PPM1L: variants seen among roughly 807,000 people sequenced by gnomAD.
PPM1L encodes protein phosphatase, Mg2+/Mn2+ dependent 1L.
Under a neutral mutation model 31.4 loss-of-function variants are expected in PPM1L, and 13 were observed. That is an observed-to-expected ratio of 0.41 (90% CI 0.27 to 0.66). The LOEUF (loss-of-function observed/expected upper bound fraction) is 0.66. PPM1L is among the 30% of genes least tolerant of loss of function. PPM1L has a pLI of 0.29. For synonymous variants in PPM1L, 184 were observed against 175.4 expected (o/e 1.05, Z -0.39); for missense variants, 326 against 453.7 (o/e 0.72, Z 2.56).
At chr3:160,882,598 T>G (rs968097748) in intron 1 of PPM1L, among the ~76,000 whole-genome samples, 1 of 152,212 alleles carries the variant, frequency 6.6e-6, no homozygotes, top group Non-Finnish European at 1.5e-5. Context: ...CTTAATTACA[T>G]CTGCAAAGAC....
chr3:160,830,303 C>T (rs1166783321), intron 1 of PPM1L, among the ~76,000 whole-genome samples: 1 of 152,090 alleles, frequency 6.6e-6, no homozygotes, highest in South Asian at 2.1e-4. Context: ...GAAGGGTTGA[C>T]CCTGAGCTTT....
At chr3:160,966,904 T>C (rs1365015741) in intron 2 of PPM1L, among the ~76,000 whole-genome samples, 1 of 152,098 alleles carries the variant, frequency 6.6e-6, no homozygotes, top group Non-Finnish European at 1.5e-5. Context: ...TAATGTTTTT[T>C]ATATTCTGTA....
intron 2 of PPM1L, among the ~76,000 whole-genome samples, chr3:161,045,028 C>T (rs1179270533): frequency 2.0e-5 from 3 of 152,050 alleles, no homozygotes; most frequent in Admixed American, 6.5e-5. Context: ...ACAAAGAAGG[C>T]CATTACATAA....
At chr3:160,929,415 C>G (rs527702942) in intron 1 of PPM1L, among the ~76,000 whole-genome samples, 1 of 152,306 alleles carries the variant, frequency 6.6e-6, no homozygotes, top group African/African-American at 2.4e-5. Context: ...GTTAGAAACT[C>G]TGTCTTCCTT....
At chr3:160,903,887 G>A (rs1248220617) in intron 1 of PPM1L, among the ~76,000 whole-genome samples, 1 of 152,072 alleles carries the variant, frequency 6.6e-6, no homozygotes, top group Non-Finnish European at 1.5e-5. Flanking sequence ...TTATGCTTTT[G>A]TATTGTATTT....
rs1054125257 is a variant in PPM1L at position 160,880,171 on chromosome 3, A to G, written c.400-81565A>G. 2.0e-5 allele frequency among the ~76,000 whole-genome samples: 3 copies of G among 152,256 alleles called. No individual in the cohort carries two copies. In the East Asian group the frequency reaches 5.8e-4, roughly 29 times the overall value. On this transcript the variant is annotated intron_variant, in intron 1 of 3. Coordinates refer to ENST00000498165, the MANE Select transcript of PPM1L (RefSeq NM_139245.4). Reference sequence around the variant, plus strand: ...GCAGCAGTAGGAGGAGAGGAACAATATTCTTGTTTTGCTTTGACCATTTTT... The same window carrying G: ...GCAGCAGTAGGAGGAGAGGAACAATGTTCTTGTTTTGCTTTGACCATTTTT...
intron 1 of PPM1L, among the ~76,000 whole-genome samples, chr3:160,913,733 G>C (rs1714053418): frequency 6.6e-6 from 1 of 152,124 alleles, no homozygotes; most frequent in African/African-American, 2.4e-5. Context: ...TATGTCAGTA[G>C]TTCATTCCTT....
chr3:160,961,980 T>C, intron 2 of PPM1L, 70 bp downstream of exon 2: 1 of 1,301,440 alleles, frequency 7.7e-7, no homozygotes. Context: ...TTGATTAAAC[T>C]TGGTAAAAGG....
chr3:160,888,685 C>T (rs1187452365), intron 1 of PPM1L, among the ~76,000 whole-genome samples: 1 of 152,182 alleles, frequency 6.6e-6, no homozygotes, highest in Non-Finnish European at 1.5e-5. Context: ...ACCTAATAGA[C>T]ATCTACAGAA....
At chr3:161,017,474 T>C (rs1234840378) in intron 2 of PPM1L, among the ~76,000 whole-genome samples, 1 of 152,200 alleles carries the variant, frequency 6.6e-6, no homozygotes, top group African/African-American at 2.4e-5. Flanking sequence ...TTCGAGTACC[T>C]AGCTGAATAA....
intron 1 of PPM1L, among the ~76,000 whole-genome samples, chr3:160,814,725 GTGTATATA>G (rs1182707628): frequency 1.6e-5 from 2 of 125,342 alleles, no homozygotes; most frequent in Non-Finnish European, 3.2e-5. Context: ...GTATGTATAC[GTGTATATA>G]TGTATATATG....
At chr3:160,904,917 G>A (rs1209923123) in intron 1 of PPM1L, among the ~76,000 whole-genome samples, 2 of 152,190 alleles carry the variant, frequency 1.3e-5, no homozygotes, top group Non-Finnish European at 2.9e-5. Context: ...TATATTGGTT[G>A]CCTTGTGTGT....
chr3:160,828,985 A>T (rs1713436175), intron 1 of PPM1L, among the ~76,000 whole-genome samples: 1 of 152,108 alleles, frequency 6.6e-6, no homozygotes, highest in Non-Finnish European at 1.5e-5. Flanking sequence ...AGCCATTCTT[A>T]GTTAAGGAGA....
chr3:161,036,449 GAGA>G (rs1291942747), intron 2 of PPM1L, among the ~76,000 whole-genome samples: 1 of 152,176 alleles, frequency 6.6e-6, no homozygotes, highest in Non-Finnish European at 1.5e-5. Flanking sequence ...ATGGGGATAT[GAGA>G]GTATTATTAG....
intron 1 of PPM1L, among the ~76,000 whole-genome samples, chr3:160,913,918 A>C (rs1714064352): frequency 6.6e-6 from 1 of 152,186 alleles, no homozygotes. Flanking sequence ...TCTGAGTAGA[A>C]ATATGTTTTC....
chr3:160,878,508 G>A lies in PPM1L; in HGVS notation c.400-83228G>A, dbSNP rs1458772513. On this transcript the variant is annotated intron_variant, in intron 1 of 3. Transcript: ENST00000498165. The stretch of plus-strand genomic sequence containing the variant: ...ATCACATGAGAGCCAGCTCTCTGGT[G>A]GTGTCTTCTTATAAGGGCACTAACC... Among the ~76,000 whole-genome samples the A allele has an allele frequency of 2.0e-5, 3 of 152,236 alleles. No individual in the cohort carries two copies. The East Asian group carries it at 5.8e-4, about 29-fold the overall frequency.
chr3:160,860,915 T>TA (rs1051343960), intron 1 of PPM1L, among the ~76,000 whole-genome samples: 3 of 152,128 alleles, frequency 2.0e-5, no homozygotes, highest in African/African-American at 7.2e-5. Flanking sequence ...TAAATACCTC[T>TA]AAAAAGCCCC....
chr3:160,994,628 C>G (rs565888478), intron 2 of PPM1L, among the ~76,000 whole-genome samples: 56 of 152,284 alleles, frequency 3.7e-4, no homozygotes, highest in African/African-American at 1.3e-3. Flanking sequence ...TTATTGCTAT[C>G]AGGTATGTTT....
At chr3:160,829,648 T>TTTTA (rs1713459952) in intron 1 of PPM1L, among the ~76,000 whole-genome samples, 1 of 152,116 alleles carries the variant, frequency 6.6e-6, no homozygotes, top group Non-Finnish European at 1.5e-5. Context: ...CCTCACTAAC[T>TTTTA]CCCTTCTCAT....
Sources: allele counts gnomAD v4.1 joint callset (sites outside exome capture counted in the v4.1 genomes callset), GRCh38; gene constraint gnomAD v4.1.1; transcripts MANE v1.5; gene names NCBI Gene and HGNC (gene_info 2026-07-23, HGNC 2026-07-21).